CCND2: variants seen among roughly 807,000 people sequenced by gnomAD.
CCND2 encodes cyclin D2.
Under a neutral mutation model 30.2 loss-of-function variants are expected in CCND2, and 6 were observed. The ratio of observed to expected loss-of-function variants is 0.20; its 90% CI spans 0.11 to 0.39. The LOEUF (loss-of-function observed/expected upper bound fraction) is 0.39. CCND2 is among the 10% of genes least tolerant of loss of function. The probability of loss-of-function intolerance (pLI) is 1.00; values close to 1 mark genes in which losing one functional copy is unlikely to be tolerated. For missense variants in CCND2, 235 were observed against 373.4 expected, an observed-to-expected ratio of 0.63 and a Z score of 3.06; for synonymous variants, 150 against 153.1, an observed-to-expected ratio of 0.98 and a Z score of 0.15.
intron 4 of CCND2, among the ~76,000 whole-genome samples, chr12:4,289,488 C>T (rs968490348): frequency 6.6e-6 from 1 of 152,208 alleles, no homozygotes; most frequent in Non-Finnish European, 1.5e-5. Context: ...GACCCCTCCC[C>T]GCTCTCTCTT....
chr12:4,296,434 G>A lies in CCND2; in HGVS notation c.721-3426G>A, dbSNP rs118033960. 4.6e-5 allele frequency among the ~76,000 whole-genome samples: 7 copies of A among 152,384 alleles called. No homozygotes were observed. In the East Asian group the frequency reaches 1.2e-3, roughly 25 times the overall value. On this transcript the variant is annotated intron_variant, in intron 4 of 4. Coordinates refer to ENST00000261254, the MANE Select transcript of CCND2 (RefSeq NM_001759.4). ...TGTGCCATGCGAAACCCTCTTTAAAGGAACCGCATCGCTACGCCTAACGGG... is the reference window on the plus strand; with the variant it reads ...TGTGCCATGCGAAACCCTCTTTAAAAGAACCGCATCGCTACGCCTAACGGG...
At chr12:4,288,636 C>G (rs548224594) in intron 3 of CCND2, among the ~76,000 whole-genome samples, 1 of 152,314 alleles carries the variant, frequency 6.6e-6, no homozygotes, top group African/African-American at 2.4e-5. Flanking sequence ...GCCTCAGTCT[C>G]CTTCGTTTAA....
rs3217788 is a variant in CCND2, at chr12:4,274,007, G to A, written c.-34G>A. On this transcript the variant is annotated 5_prime_UTR_variant, in exon 1 of 5. Transcript: ENST00000261254. This position sits in a 1 kb window ranked among gnomAD's most constrained non-coding sequence, Gnocchi z 7.7. ...CAGAAAAACCTTTTTCCAGGCCGGG[G>A]AAAGCAGGAGGGAGAGGGGCCGCCG... The A allele has an allele frequency of 3.8e-6, 6 of 1,593,504 alleles. No homozygotes were observed. In the Admixed American group the frequency reaches 8.8e-5, roughly 23 times the overall value.
chr12:4,288,876 C>A lies in CCND2; in HGVS notation c.606C>A (p.Ile202=). The A allele has an allele frequency of 6.2e-7, 1 of 1,613,514 alleles. No homozygotes were observed. Among genetic ancestry groups the A allele is most frequent in the Non-Finnish European group, 8.5e-7 (1 of 1,179,768 alleles). ...TTGCCATGTACCCACCGTCGATGATCGCAACTGGAAGTGTGGGAGCAGCCA... is the reference window on the plus strand; with the variant it reads ...TTGCCATGTACCCACCGTCGATGATAGCAACTGGAAGTGTGGGAGCAGCCA... ...FKFAMYPPSM[I]ATGSVGAAIC... Residue 202 remains isoleucine, a synonymous_variant, in exon 4 of 5, where the codon ATC becomes ATA. Coordinates refer to ENST00000261254, the MANE Select transcript of CCND2 (RefSeq NM_001759.4).
intron 4 of CCND2, among the ~76,000 whole-genome samples, chr12:4,290,696 C>T (rs776166466): frequency 1.3e-5 from 2 of 152,194 alleles, no homozygotes; most frequent in Non-Finnish European, 2.9e-5. Flanking sequence ...CTTTGTCCCC[C>T]GTTACTGATC....
intron 3 of CCND2, among the ~76,000 whole-genome samples, chr12:4,288,502 TC>T (rs1864053626): frequency 6.6e-6 from 1 of 151,996 alleles, no homozygotes; most frequent in Non-Finnish European, 1.5e-5. Flanking sequence ...CTCACCTTGC[TC>T]CCCCCACCAG....
chr12:4,274,330 C>A lies in CCND2; in HGVS notation c.195+95C>A. On this transcript the variant is annotated intron_variant, in intron 1 of 4. Transcript: ENST00000261254. This position sits in a 1 kb window ranked among gnomAD's most constrained non-coding sequence, Gnocchi z 7.7. The stretch of plus-strand genomic sequence containing the variant: ...TAAACCTGGGAGAGGGCAATCCCCG[C>A]GCCGGCCTCCCGGCTCCTGTGCGGG... The A allele has an allele frequency of 1.5e-6, 2 of 1,345,490 alleles. No individual in the cohort carries two copies. Among genetic ancestry groups the A allele is most frequent in the Non-Finnish European group, 2.1e-6 (2 of 965,704 alleles). 83.3% of individuals were successfully genotyped at this position (1,345,490 alleles called of 1,614,324 possible).
chr12:4,277,854 T>A (rs1171634193), intron 2 of CCND2, among the ~76,000 whole-genome samples: 2 of 152,250 alleles, frequency 1.3e-5, no homozygotes. Context: ...ATAGGCATAT[T>A]TTCTGGTAGC....
In CCND2 at chr12:4,274,213, T is replaced by C. The variant is rs769290616; in HGVS notation, c.173T>C (p.Met58Thr). ...QKDIQPYMRR[M>T]VATWMLEVCE... ...GACATCCAACCCTACATGCGCAGAA[T>C]GGTGGCCACCTGGATGCTGGAGGTA... Residue 58 changes from methionine to threonine, a missense_variant, in exon 1 of 5, where the codon ATG becomes ACG. By Grantham distance (81) the Met-to-Thr change is moderately conservative (BLOSUM62 -1). Around this residue, in one of 2 missense-constraint regions of CCND2, gnomAD observed 178 missense variants for 322.8 expected, o/e 0.55. Transcript: ENST00000261254. The surrounding 1 kb of genome is among the most constrained non-coding windows in gnomAD (Gnocchi z 7.7). The C allele has an allele frequency of 1.2e-6, 2 of 1,613,976 alleles. No individual in the cohort carries two copies. Among genetic ancestry groups the C allele is most frequent in the South Asian group, 2.2e-5 (2 of 91,074 alleles).
chr12:4,292,061 A>G (rs1864108080), intron 4 of CCND2, among the ~76,000 whole-genome samples: 1 of 152,130 alleles, frequency 6.6e-6, no homozygotes, highest in Non-Finnish European at 1.5e-5. Context: ...GTGTGAATGT[A>G]CTTAATGCCA....
In CCND2 at chr12:4,273,924, T is replaced by A. The variant is rs1863821684; in HGVS notation, c.-117T>A. On this transcript the variant is annotated 5_prime_UTR_variant, in exon 1 of 5. Coordinates refer to ENST00000261254, the MANE Select transcript of CCND2 (RefSeq NM_001759.4). This position sits in a 1 kb window ranked among gnomAD's most constrained non-coding sequence, Gnocchi z 5.9. ...CACCTCTCCCCCGAAAACCCCCTAT[T>A]TAGCCAAAGGAAGGAGGTCAGGGGA... is the stretch of plus-strand genomic sequence containing the variant. 1.0e-6 allele frequency: 1 copy of A among 996,486 alleles called. No homozygotes were observed. 61.7% of individuals were successfully genotyped at this position (996,486 alleles called of 1,614,324 possible).
Position 4,300,129 on chromosome 12 carries a change from A to G in CCND2, c.*120A>G. 1 of 985,574 alleles carries G rather than the reference A, an allele frequency of 1.0e-6. No individual in the cohort carries two copies. The highest frequency in any genetic ancestry group is 2.9e-5 in the Admixed American group (1 of 34,254). The allele number at this position is 985,574 out of a possible 1,614,324, so 61.1% of individuals were successfully genotyped here. On this transcript the variant is annotated 3_prime_UTR_variant, in exon 5 of 5. Coordinates refer to ENST00000261254, the MANE Select transcript of CCND2 (RefSeq NM_001759.4). ...TAAAAAAAAAATTCTGCCCCCACCT[A>G]GATCATATTTAAAGATCTTTTAGAA...
intron 4 of CCND2, among the ~76,000 whole-genome samples, chr12:4,290,206 G>T (rs189951402): frequency 2.6e-5 from 4 of 152,350 alleles, no homozygotes; most frequent in Non-Finnish European, 5.9e-5. Flanking sequence ...CGCCCACCTG[G>T]ATTTTCCCTG....
chr12:4,275,889 CAAA>C (rs1016654362), intron 1 of CCND2, 113 bp from the exon 2 acceptor site: 1 of 645,818 alleles, frequency 1.5e-6, no homozygotes, highest in Non-Finnish European at 2.6e-6. Flanking sequence ...CCCCCTCCCA[CAAA>C]AAAAAATTAA....
rs1863835847 is a variant in CCND2 at position 4,274,509 on chromosome 12, G to T, written c.195+274G>T. Among the ~76,000 whole-genome samples the T allele has an allele frequency of 6.6e-6, 1 of 152,232 alleles. No homozygotes were observed. Among genetic ancestry groups the T allele is most frequent in the Non-Finnish European group, 1.5e-5 (1 of 68,030 alleles). On this transcript the variant is annotated intron_variant, in intron 1 of 4. Transcript: ENST00000261254. This position sits in a 1 kb window ranked among gnomAD's most constrained non-coding sequence, Gnocchi z 7.7. Reference sequence around the variant, plus strand: ...TCCCGCGCGCGTGTTCCTGCATGTGGCTGCCTCTTCTTCCCACCCCCCTCG... The same window carrying T: ...TCCCGCGCGCGTGTTCCTGCATGTGTCTGCCTCTTCTTCCCACCCCCCTCG...
Position 4,299,437 on chromosome 12 carries a change from C to T in CCND2, c.721-423C>T, listed in dbSNP as rs145247294. On this transcript the variant is annotated intron_variant, in intron 4 of 4. Coordinates refer to ENST00000261254, the MANE Select transcript of CCND2 (RefSeq NM_001759.4). The surrounding 1 kb of genome is among the most constrained non-coding windows in gnomAD (Gnocchi z 5.2). ...GTTCTCGGGCTGAGTTTGCTAATGT[C>T]ATAGCACTTCTAGTAGCCTTCCCCT... is the stretch of plus-strand genomic sequence containing the variant. Among the ~76,000 whole-genome samples the T allele has an allele frequency of 6.6e-6, 1 of 152,336 alleles. No homozygotes were observed. The highest frequency in any genetic ancestry group is 1.5e-5 in the Non-Finnish European group (1 of 68,030).
intron 4 of CCND2, among the ~76,000 whole-genome samples, chr12:4,289,818 C>G (rs1864073262): frequency 6.6e-6 from 1 of 152,176 alleles, no homozygotes; most frequent in East Asian, 1.9e-4. Flanking sequence ...AAGTAACCAG[C>G]CAGGAGCGGG....
chr12:4,292,594 T>C (rs1361622852), intron 4 of CCND2, among the ~76,000 whole-genome samples: 1 of 152,172 alleles, frequency 6.6e-6, no homozygotes, highest in African/African-American at 2.4e-5. Context: ...TGTTGCTCCG[T>C]CTGGTTGCCA....
At chr12:4,296,005 A>C (rs922532337) in intron 4 of CCND2, among the ~76,000 whole-genome samples, 1 of 152,246 alleles carries the variant, frequency 6.6e-6, no homozygotes, top group African/African-American at 2.4e-5. Flanking sequence ...TGACAGCCAG[A>C]CATCCCAGTC....
Sources: gnomAD v4.1 joint callset for allele counts (sites outside exome capture counted in the v4.1 genomes callset) on GRCh38, gnomAD v4.1.1 for gene constraint, gnomAD v4.1.1 regional missense constraint, Gnocchi (gnomAD v3.1) non-coding constraint, MANE v1.5 for transcripts, NCBI Gene and HGNC (gene_info 2026-07-23, HGNC 2026-07-21) for gene names.